ADK: variants seen among roughly 807,000 people sequenced by gnomAD.
ADK encodes the protein adenosine kinase.
In ADK, 24 loss-of-function variants were observed where a neutral mutation model predicts 44.7. The ratio of observed to expected loss-of-function variants is 0.54; its 90% CI spans 0.39 to 0.76. The LOEUF is 0.76. Among genes scored for constraint, ADK ranks in the 30% least tolerant of loss-of-function variants. The pLI is 0.00. For missense variants in ADK, 321 were observed against 425.1 expected (o/e 0.76, Z 2.15); for synonymous variants, 128 against 142.6 (o/e 0.90, Z 0.73).
intron 4 of ADK, among the ~76,000 whole-genome samples, chr10:74,315,597 A>T (rs1398571833): frequency 6.2e-5 from 7 of 112,930 alleles, no homozygotes; most frequent in Middle Eastern, 5.5e-3. Context: ...CATTGCAATC[A>T]TGTGTCAGTT....
intron 7 of ADK, among the ~76,000 whole-genome samples, chr10:74,571,425 T>G (rs1485957224): frequency 6.6e-6 from 1 of 152,216 alleles, no homozygotes; most frequent in Non-Finnish European, 1.5e-5. Flanking sequence ...TCCTGGACTC[T>G]TTTTGGTTGG....
chr10:74,516,436 T>C (rs1848578804), intron 6 of ADK, among the ~76,000 whole-genome samples: 1 of 152,124 alleles, frequency 6.6e-6, no homozygotes, highest in South Asian at 2.1e-4. Flanking sequence ...CCTTGATCCT[T>C]TTTTTGTGTG....
intron 10 of ADK, among the ~76,000 whole-genome samples, chr10:74,670,715 G>A (rs1179314933): frequency 2.0e-5 from 3 of 152,094 alleles, no homozygotes; most frequent in Admixed American, 1.3e-4. Flanking sequence ...CACAATAGTG[G>A]TTGTTTGTTA....
At chr10:74,654,471 T>G (rs1057287650) in intron 9 of ADK, among the ~76,000 whole-genome samples, 1 of 152,252 alleles carries the variant, frequency 6.6e-6, no homozygotes, top group Non-Finnish European at 1.5e-5. Flanking sequence ...GAATCCCACC[T>G]ATGTCACTTA....
chr10:74,420,393 C>A (rs897977304), intron 6 of ADK, among the ~76,000 whole-genome samples: 4 of 152,114 alleles, frequency 2.6e-5, no homozygotes, highest in African/African-American at 9.7e-5. Flanking sequence ...TATCATAGCA[C>A]ATCTATTAAG....
At chr10:74,280,294 G>A (rs1846878594) in intron 3 of ADK, among the ~76,000 whole-genome samples, 1 of 151,950 alleles carries the variant, frequency 6.6e-6, no homozygotes. Context: ...AGTAGAGATG[G>A]GGTTTCACTG....
intron 1 of ADK, among the ~76,000 whole-genome samples, chr10:74,159,438 T>C (rs1419334504): frequency 6.6e-6 from 1 of 152,204 alleles, no homozygotes; most frequent in Non-Finnish European, 1.5e-5. Flanking sequence ...GTGTGATCAT[T>C]GGTCACTCAC....
At chr10:74,448,107 A>G (rs890230068) in intron 6 of ADK, among the ~76,000 whole-genome samples, 3 of 152,164 alleles carry the variant, frequency 2.0e-5, no homozygotes, top group African/African-American at 7.2e-5. Context: ...CTGGAGGCAG[A>G]GGCTGCAGTG....
intron 9 of ADK, among the ~76,000 whole-genome samples, chr10:74,612,123 G>A (rs191532033): frequency 2.6e-5 from 4 of 152,032 alleles, no homozygotes; most frequent in East Asian, 1.9e-4. Flanking sequence ...CTGTATCCTC[G>A]CCAATGTGTA....
intron 3 of ADK, among the ~76,000 whole-genome samples, chr10:74,285,268 A>G (rs1847117684): frequency 6.6e-6 from 1 of 152,228 alleles, no homozygotes. Context: ...TAAGCTGAGT[A>G]TTTAAAGACA....
At chr10:74,359,600 CTTGGGAG>C (rs1842260309) in intron 4 of ADK, among the ~76,000 whole-genome samples, 1 of 152,018 alleles carries the variant, frequency 6.6e-6, no homozygotes, top group Admixed American at 6.6e-5. Context: ...GTCCTGTCTA[CTTGGGAG>C]GCTGAAGCAG....
chr10:74,165,466 C>CT (rs754329555), intron 1 of ADK, among the ~76,000 whole-genome samples: 25 of 145,116 alleles, frequency 1.7e-4, no homozygotes, highest in South Asian at 6.6e-4. Context: ...TCCTGGGGAG[C>CT]TTTTTTTTTT....
intron 6 of ADK, among the ~76,000 whole-genome samples, chr10:74,519,716 T>C (rs1227752544): frequency 6.6e-6 from 1 of 151,994 alleles, no homozygotes; most frequent in Non-Finnish European, 1.5e-5. Flanking sequence ...TTATTTACTA[T>C]GTATTTCTCT....
intron 6 of ADK, among the ~76,000 whole-genome samples, chr10:74,399,465 A>G (rs1259105775): frequency 6.6e-6 from 1 of 151,814 alleles, no homozygotes; most frequent in Non-Finnish European, 1.5e-5. Context: ...TAGGCTTTAC[A>G]ACATTGTTAT....
intron 3 of ADK, among the ~76,000 whole-genome samples, chr10:74,259,165 G>A (rs539880383): frequency 2.6e-5 from 4 of 151,796 alleles, no homozygotes; most frequent in Admixed American, 6.6e-5. Flanking sequence ...GGCTGATTTC[G>A]AACTCCTGGC....
chr10:74,584,657 T>C (rs928213701), intron 7 of ADK, among the ~76,000 whole-genome samples: 3 of 152,190 alleles, frequency 2.0e-5, no homozygotes, highest in Non-Finnish European at 2.9e-5. Flanking sequence ...TATAGTATTA[T>C]TGAGTCAAAG....
chr10:74,556,324 G>A (rs1160552841), intron 7 of ADK, among the ~76,000 whole-genome samples: 3 of 152,120 alleles, frequency 2.0e-5, no homozygotes, highest in Non-Finnish European at 4.4e-5. Context: ...TATTTTCTAC[G>A]TAAGGACTGC....
chr10:74,289,833 CAA>C lies in ADK; in HGVS notation c.195-24822_195-24821del, dbSNP rs34417435. Among the ~76,000 whole-genome samples the C allele has an allele frequency of 1.2e-4, 16 of 135,980 alleles. 1 individual carries two copies. The highest frequency in any genetic ancestry group is 7.3e-5 in the Admixed American group (1 of 13,704). The allele number at this position is 135,980 out of a possible 152,430, so 89.2% of individuals were successfully genotyped here. Reference sequence around the variant, plus strand: ...GATGAGTTTTTCTTTTTTAGTGGGCCAAAAAAAAAAAAAGGAAAGAAAATTCT... The same window carrying C: ...GATGAGTTTTTCTTTTTTAGTGGGCCAAAAAAAAAAAGGAAAGAAAATTCT... On this transcript the variant is annotated intron_variant, in intron 3 of 10. Coordinates refer to ENST00000539909, the MANE Select transcript of ADK (RefSeq NM_006721.4).
At chr10:74,688,927 G>A (rs1014776253) in intron 10 of ADK, among the ~76,000 whole-genome samples, 4 of 147,758 alleles carry the variant, frequency 2.7e-5, no homozygotes, top group Non-Finnish European at 6.0e-5. Flanking sequence ...CAGAGAGACT[G>A]ATCATACTAC....
Sources: gnomAD v4.1 joint callset for allele counts (sites outside exome capture counted in the v4.1 genomes callset) on GRCh38, gnomAD v4.1.1 for gene constraint, MANE v1.5 for transcripts, NCBI Gene and HGNC (gene_info 2026-07-23, HGNC 2026-07-21) for gene names.